The following PHLPP1 variants were observed in gnomAD, a reference collection of about 807,000 sequenced individuals.
PHLPP1 encodes PH domain leucine-rich repeat-containing protein phosphatase 1.
In PHLPP1, 42 loss-of-function variants were observed where a neutral mutation model predicts 117.2. The ratio of observed to expected loss-of-function variants is 0.36; its 90% CI spans 0.28 to 0.46. The LOEUF is 0.46. Ranked by LOEUF, PHLPP1 falls within the 20% of genes least tolerant of loss-of-function variation. The probability of loss-of-function intolerance (pLI) is 1.00; values close to 1 mark genes in which losing one functional copy is unlikely to be tolerated. For missense variants in PHLPP1, 2,084 were observed against 2,241.9 expected (o/e 0.93, Z 1.42); for synonymous variants, 1,042 against 970.7 (o/e 1.07, Z -1.37).
At chr18:62,907,604 A>C (rs1356699794) in intron 8 of PHLPP1, among the ~76,000 whole-genome samples, 1 of 135,600 alleles carries the variant, frequency 7.4e-6, no homozygotes, top group Non-Finnish European at 1.6e-5. Flanking sequence ...AGAAAAAAGA[A>C]TAAAAAGAAA....
At chr18:62,897,043 T>A (rs145334486) in intron 6 of PHLPP1, among the ~76,000 whole-genome samples, 36 of 152,368 alleles carry the variant, frequency 2.4e-4, no homozygotes, top group African/African-American at 7.7e-4. Context: ...GTTAACATTA[T>A]TTGCCTCTTG....
chr18:62,855,091 A>C (rs915432451), intron 3 of PHLPP1, among the ~76,000 whole-genome samples: 2 of 152,184 alleles, frequency 1.3e-5, no homozygotes, highest in African/African-American at 4.8e-5. Context: ...TTCTTACTGC[A>C]CAGGGTATTG....
intron 1 of PHLPP1, among the ~76,000 whole-genome samples, chr18:62,723,665 G>T (rs1226890349): frequency 3.3e-5 from 5 of 152,122 alleles, no homozygotes; most frequent in African/African-American, 1.2e-4. Context: ...GAGCTTGGCT[G>T]GTGTGTTGGG....
chr18:62,840,954 A>G (rs558553392), intron 3 of PHLPP1, among the ~76,000 whole-genome samples: 1 of 151,994 alleles, frequency 6.6e-6, no homozygotes, highest in East Asian at 1.9e-4. Context: ...CAGTGGCACG[A>G]TCTTGGGTCA....
chr18:62,931,790 G>T (rs1909817092), intron 10 of PHLPP1, among the ~76,000 whole-genome samples: 2 of 151,080 alleles, frequency 1.3e-5, no homozygotes, highest in African/African-American at 4.9e-5. Flanking sequence ...AGCTACTAGG[G>T]AGGCTGAGGC....
chr18:62,791,499 T>C (rs1017460438), intron 1 of PHLPP1, among the ~76,000 whole-genome samples: 1 of 152,256 alleles, frequency 6.6e-6, no homozygotes, highest in Admixed American at 6.5e-5. Context: ...TTCTTGCTTC[T>C]GCAGAGGGAT....
intron 14 of PHLPP1, among the ~76,000 whole-genome samples, chr18:62,964,222 G>C (rs1195849846): frequency 6.6e-6 from 1 of 152,126 alleles, no homozygotes; most frequent in African/African-American, 2.4e-5. Flanking sequence ...AGTGGAGGTA[G>C]ATCTAATAAT....
In PHLPP1 at chr18:62,866,914, T is replaced by C. The variant is rs548507054; in HGVS notation, c.2066+6313T>C. 1.2e-4 allele frequency among the ~76,000 whole-genome samples: 19 copies of C among 152,322 alleles called. No homozygotes were observed. In the South Asian group the frequency reaches 2.9e-3, roughly 23 times the overall value. On this transcript the variant is annotated intron_variant, in intron 4 of 16. Coordinates refer to ENST00000262719, the MANE Select transcript of PHLPP1 (RefSeq NM_194449.4). Reference sequence around the variant, plus strand: ...CCAGCTGTTATAGTAAAAGTACTTCTCAACCCTCACCTGGTCTGTTGCGCT... The same window carrying C: ...CCAGCTGTTATAGTAAAAGTACTTCCCAACCCTCACCTGGTCTGTTGCGCT...
chr18:62,975,065 G>A (rs1180898786), intron 15 of PHLPP1, among the ~76,000 whole-genome samples: 1 of 152,210 alleles, frequency 6.6e-6, no homozygotes. Flanking sequence ...TCTTTGGAGT[G>A]TGCTGATAGG....
At chr18:62,762,570 T>G (rs1379307912) in intron 1 of PHLPP1, among the ~76,000 whole-genome samples, 2 of 151,878 alleles carry the variant, frequency 1.3e-5, no homozygotes, top group African/African-American at 4.8e-5. Flanking sequence ...TGTGCCACCA[T>G]GCCCAGCTAA....
intron 1 of PHLPP1, among the ~76,000 whole-genome samples, chr18:62,804,820 C>G (rs1404457935): frequency 6.8e-6 from 1 of 147,156 alleles, no homozygotes; most frequent in Non-Finnish European, 1.5e-5. Context: ...ATAATATACA[C>G]TGTATATATT....
At position 62,716,695 on chromosome 18, in the gene PHLPP1, C is replaced by G. The variant is rs1010481368; in HGVS notation, c.1012C>G (p.Arg338Gly). ...CGTTGGGGGCCCTGTCTCTTCGCCCCGCGCCCCACGGCCTGTGGTCTCCGA... is the reference window on the plus strand; with the variant it reads ...CGTTGGGGGCCCTGTCTCTTCGCCCGGCGCCCCACGGCCTGTGGTCTCCGA... ...PFVGGPVSSP[R>G]APRPVVSDTE... The change falls in exon 1 of 17, where the codon CGC (arginine) becomes GGC (glycine). Residue 338 changes from arginine to glycine, a missense_variant. Arg to Gly is a moderately radical substitution (Grantham distance 125, BLOSUM62 -2). Coordinates refer to ENST00000262719, the MANE Select transcript of PHLPP1 (RefSeq NM_194449.4). The surrounding 1 kb of genome is among the most constrained non-coding windows in gnomAD (Gnocchi z 5.7). 1.8e-5 allele frequency: 27 copies of G among 1,475,308 alleles called. No individual in the cohort carries two copies. Among genetic ancestry groups the G allele is most frequent in the African/African-American group, 5.9e-5 (4 of 67,978 alleles). 91.4% of individuals were successfully genotyped at this position (1,475,308 alleles called of 1,614,324 possible). A position where few individuals can be genotyped will look rare whatever the true frequency, so the allele number is the denominator to read the frequency against.
intron 1 of PHLPP1, among the ~76,000 whole-genome samples, chr18:62,780,908 A>G (rs1913100612): frequency 2.0e-5 from 3 of 152,230 alleles, no homozygotes; most frequent in South Asian, 2.1e-4. Context: ...TTAGTGTGAT[A>G]CATAACACAG....
At chr18:62,846,297 A>G (rs1915182075) in intron 3 of PHLPP1, among the ~76,000 whole-genome samples, 1 of 151,946 alleles carries the variant, frequency 6.6e-6, no homozygotes, top group Non-Finnish European at 1.5e-5. Context: ...TCTTGTACCA[A>G]TTCTGTAGTG....
chr18:62,905,264 G>A lies in PHLPP1; in HGVS notation c.2688G>A (p.Leu896=). The change falls in exon 8 of 17, where the codon CTG becomes CTA. Residue 896 remains leucine (L), a synonymous_variant. Coordinates refer to ENST00000262719, the MANE Select transcript of PHLPP1 (RefSeq NM_194449.4). The stretch of plus-strand genomic sequence containing the variant: ...ATGTTTACCCAGTTCCAAATTATCT[G>A]TCCTACATGGATGTTTCAAGGTAAG... ...QLDVYPVPNY[L]SYMDVSRNRL... 6.6e-7 allele frequency: 1 copy of A among 1,522,146 alleles called. No individual in the cohort carries two copies. 94.3% of individuals were successfully genotyped at this position (1,522,146 alleles called of 1,614,324 possible).
intron 1 of PHLPP1, among the ~76,000 whole-genome samples, chr18:62,801,749 G>A (rs1327540426): frequency 6.6e-6 from 1 of 152,242 alleles, no homozygotes; most frequent in South Asian, 2.1e-4. Context: ...ACTGTGCCTG[G>A]CCTCTGTTTG....
chr18:62,846,578 G>A (rs1179093116), intron 3 of PHLPP1, among the ~76,000 whole-genome samples: 1 of 151,830 alleles, frequency 6.6e-6, no homozygotes, highest in African/African-American at 2.4e-5. Flanking sequence ...AATGAATGCT[G>A]GCCAGTAAGT....
At chr18:62,745,766 G>A (rs182797155) in intron 1 of PHLPP1, among the ~76,000 whole-genome samples, 8 of 152,270 alleles carry the variant, frequency 5.3e-5, no homozygotes, top group Admixed American at 5.2e-4. Flanking sequence ...TGTTACTCTT[G>A]CCTCTTTTAG....
chr18:62,978,345 C>T lies in PHLPP1; in HGVS notation c.4068C>T (p.His1356=), dbSNP rs371218433. The T allele has an allele frequency of 3.7e-5, 60 of 1,612,706 alleles. No homozygotes were observed. Among genetic ancestry groups the T allele is most frequent in the East Asian group, 6.7e-5 (3 of 44,870 alleles). The change falls in exon 17 of 17, where the codon CAC becomes CAT. Residue 1356 remains histidine (H), a synonymous_variant. Transcript: ENST00000262719. The surrounding 1 kb of genome is among the most constrained non-coding windows in gnomAD (Gnocchi z 7.0). ...ATCCCAGTGTGGTGCCTCGCCCCCA[C>T]GTGCAGTCCGTGCTCCTGACTCCCC... The part of the protein sequence containing the change: ...FLHPSVVPRP[H]VQSVLLTPQD...
Sources: allele counts gnomAD v4.1 joint callset (sites outside exome capture counted in the v4.1 genomes callset), GRCh38; gene constraint gnomAD v4.1.1; non-coding constraint Gnocchi (gnomAD v3.1); transcripts MANE v1.5; gene names NCBI Gene and HGNC (gene_info 2026-07-23, HGNC 2026-07-21).